Variants in ZNF730 observed in about 807,000 individuals in gnomAD.
The protein encoded by ZNF730 is putative zinc finger protein 730.
In ZNF730, 12 loss-of-function variants were observed where a neutral mutation model predicts 12.6. The observed-to-expected ratio is 0.95, with a 90% CI of 0.61 to 1.54. ZNF730 has a LOEUF of 1.54. Ranked by LOEUF, ZNF730 falls within the 40% of genes most tolerant of loss-of-function variation. ZNF730 has a pLI of 0.00. For synonymous variants in ZNF730, 194 were observed against 195.8 expected (o/e 0.99, Z 0.08); for missense variants, 643 against 583.5 (o/e 1.10, Z -1.05).
At chr19:23,112,196 A>G (rs1970468482), upstream of ZNF730, among the ~76,000 whole-genome samples, 1 of 152,194 alleles carries the variant, frequency 6.6e-6, no homozygotes, top group Non-Finnish European at 1.5e-5. Flanking sequence ...CTTAAAGCTA[A>G]CCAGAAAGAT....
At chr19:23,100,786 G>C (rs1289222979) in intron 1 of ZNF730, among the ~76,000 whole-genome samples, 1 of 151,800 alleles carries the variant, frequency 6.6e-6, no homozygotes, top group Non-Finnish European at 1.5e-5. Flanking sequence ...CCCCTGAGTA[G>C]CTGTGATTCC....
chr19:23,126,973 TATCAAAC>T (rs1329716567), intron 1 of ZNF730: 1 of 508,434 alleles, frequency 2.0e-6, no homozygotes, highest in Admixed American at 2.3e-5. Flanking sequence ...TTTCTTGTTT[TATCAAAC>T]ATTTCTGAAA....
At chr19:23,128,011 A>G (rs1469745671) in intron 1 of ZNF730, 1 of 748,356 alleles carries the variant, frequency 1.3e-6, no homozygotes, top group African/African-American at 1.7e-5. Context: ...GACCTATGGC[A>G]TGGACAAGAT....
intron 3 of ZNF730, chr19:23,144,207 A>T (rs1001227765): frequency 1.3e-5 from 2 of 151,870 alleles, no homozygotes; most frequent in Non-Finnish European, 2.9e-5. Context: ...CCTGTTTTGT[A>T]TATATTGTAA....
At chr19:23,145,127 C>A in intron 3 of ZNF730, 144 bp from the exon 4 acceptor site, 2 of 580,210 alleles carry the variant, frequency 3.4e-6, no homozygotes, top group Non-Finnish European at 5.4e-6. Flanking sequence ...ATTTTTGTTA[C>A]ATTTATATGT....
chr19:23,108,849 A>G (rs1207916142), intron 1 of ZNF730, among the ~76,000 whole-genome samples: 1 of 150,906 alleles, frequency 6.6e-6, no homozygotes, highest in Non-Finnish European at 1.5e-5. Context: ...TCCCAGGTTC[A>G]AGCAATTCTC....
At chr19:23,112,790 T>A (rs906418130), upstream of ZNF730, among the ~76,000 whole-genome samples, 3 of 152,088 alleles carry the variant, frequency 2.0e-5, no homozygotes, top group Non-Finnish European at 4.4e-5. Context: ...AATGGGACAT[T>A]TGTTGTCTCA....
At chr19:23,106,707 C>T (rs1970395956) in intron 1 of ZNF730, among the ~76,000 whole-genome samples, 2 of 150,640 alleles carry the variant, frequency 1.3e-5, no homozygotes, top group African/African-American at 4.9e-5. Flanking sequence ...AGGAGAATCA[C>T]TTGAACCCAG....
Position 23,117,050 on chromosome 19 carries a change from G to T in ZNF730, c.-124G>T, listed in dbSNP as rs936220928. The T allele has an allele frequency of 6.6e-5, 98 of 1,482,662 alleles. No homozygotes were observed. In the African/African-American group the frequency reaches 1.3e-3, roughly 20 times the overall value. 91.8% of individuals were successfully genotyped at this position (1,482,662 alleles called of 1,614,324 possible). ...GCCTTTGTTTCTCGCTGCCGCCGAAGCTCCAATTTTCGTCTGTCTGCTTTG... is the reference window on the plus strand; with the variant it reads ...GCCTTTGTTTCTCGCTGCCGCCGAATCTCCAATTTTCGTCTGTCTGCTTTG... On this transcript the variant is annotated 5_prime_UTR_variant, in exon 1 of 4. Transcript: ENST00000597761.
At position 23,117,099 on chromosome 19, in the gene ZNF730, G is replaced by A. The variant is rs1970538705; in HGVS notation, c.-75G>A. 2 of 1,609,914 alleles carry A rather than the reference G, an allele frequency of 1.2e-6. No homozygotes were observed. The highest frequency in any genetic ancestry group is 1.7e-5 in the Admixed American group (1 of 59,914). Reference sequence around the variant, plus strand: ...TGTGTCCTCTGCACGTAGAAGCCCAGCCTGTGTGGCCCTGCGACCTGCGGG... The same window carrying A: ...TGTGTCCTCTGCACGTAGAAGCCCAACCTGTGTGGCCCTGCGACCTGCGGG... On this transcript the variant is annotated 5_prime_UTR_variant, in exon 1 of 4. Transcript: ENST00000597761.
At chr19:23,088,878 T>C (rs1389370454) in intron 1 of ZNF730, among the ~76,000 whole-genome samples, 1 of 152,128 alleles carries the variant, frequency 6.6e-6, no homozygotes, top group African/African-American at 2.4e-5. Flanking sequence ...GTTGGTGGGT[T>C]GGTTGGTTTT....
At chr19:23,083,255 C>T (rs933218179) in intron 1 of ZNF730, among the ~76,000 whole-genome samples, 5 of 151,950 alleles carry the variant, frequency 3.3e-5, no homozygotes, top group Middle Eastern at 3.2e-3. Flanking sequence ...GACAACCTGC[C>T]TCTACTGAAA....
At chr19:23,081,138 ACTAG>A (rs1969959778) in intron 1 of ZNF730, among the ~76,000 whole-genome samples, 1 of 147,842 alleles carries the variant, frequency 6.8e-6, no homozygotes, top group Non-Finnish European at 1.5e-5. Flanking sequence ...GAGCCACCAT[ACTAG>A]ACCTCTTTTT....
intron 1 of ZNF730, among the ~76,000 whole-genome samples, chr19:23,094,675 T>G (rs1970220855): frequency 6.6e-6 from 1 of 152,006 alleles, no homozygotes; most frequent in African/African-American, 2.4e-5. Flanking sequence ...GGTTTCAACA[T>G]GTTGACCAGG....
intron 1 of ZNF730, among the ~76,000 whole-genome samples, chr19:23,083,708 G>A (rs747255448): frequency 6.6e-6 from 1 of 151,378 alleles, no homozygotes; most frequent in Non-Finnish European, 1.5e-5. Context: ...TTATGTACCT[G>A]TTAGCCATTC....
rs187235363 is a variant in ZNF730, at chr19:23,097,433, C to T, written c.-94+22046C>T. Among the ~76,000 whole-genome samples, 40 of 152,200 alleles carry T rather than the reference C, an allele frequency of 2.6e-4. No individual in the cohort carries two copies. The East Asian group carries it at 7.2e-3, about 27-fold the overall frequency. On this transcript the variant is annotated intron_variant, in intron 1 of 2. Transcript: ENST00000593635. ...ACCGAGCTGATGTAACTCTTCTCGT[C>T]TTCATACATCCTGCCCGGAAGAAAA... is the stretch of plus-strand genomic sequence containing the variant.
intron 1 of ZNF730, among the ~76,000 whole-genome samples, chr19:23,086,037 G>T (rs1308236081): frequency 1.3e-5 from 2 of 151,636 alleles, no homozygotes; most frequent in Non-Finnish European, 2.9e-5. Flanking sequence ...TAGAGACGGG[G>T]TTTCACCGTC....
intron 1 of ZNF730, among the ~76,000 whole-genome samples, chr19:23,121,731 G>A (rs1046182588): frequency 3.3e-5 from 5 of 152,190 alleles, no homozygotes; most frequent in East Asian, 1.9e-4. Context: ...AGTGCATACC[G>A]TATGCCCAAG....
intron 1 of ZNF730, among the ~76,000 whole-genome samples, chr19:23,081,125 C>T (rs550390162): frequency 9.2e-5 from 14 of 151,520 alleles, no homozygotes; most frequent in African/African-American, 1.7e-4. Flanking sequence ...GGATTACAGG[C>T]GTGAGCCACC....
Sources: gnomAD v4.1 joint callset for allele counts (sites outside exome capture counted in the v4.1 genomes callset) on GRCh38, gnomAD v4.1.1 for gene constraint, MANE v1.5 for transcripts, NCBI Gene and HGNC (gene_info 2026-07-23, HGNC 2026-07-21) for gene names.